The following GRIK3 variants were observed in gnomAD, a reference collection of about 807,000 sequenced individuals.
GRIK3 encodes glutamate receptor ionotropic, kainate 3.
GRIK3 carries 29 observed loss-of-function variants against 102.5 expected under a neutral mutation model. The observed-to-expected ratio is 0.28, with a 90% confidence interval of 0.21 to 0.39. GRIK3 has a LOEUF of 0.39. Ranked by LOEUF, GRIK3 falls within the 10% of genes least tolerant of loss-of-function variation. The pLI is 1.00. For synonymous variants in GRIK3, 511 were observed against 504.9 expected, an observed-to-expected ratio of 1.01 and a Z score of -0.16; for missense variants, 908 against 1,252.4, an observed-to-expected ratio of 0.73 and a Z score of 4.15.
intron 1 of GRIK3, among the ~76,000 whole-genome samples, chr1:36,926,650 A>G (rs1485998930): frequency 6.6e-6 from 1 of 151,930 alleles, no homozygotes; most frequent in African/African-American, 2.4e-5. Context: ...TGGCCTCCCA[A>G]AGTGCTGGGA....
chr1:36,803,918 T>C lies in GRIK3; in HGVS notation c.2565+1069A>G, dbSNP rs1409096509. ...ATTTCCTTGTAAATAAAACCATGTCTATCTTTGACCACTTACACAGTGTAC... is the reference window on the plus strand; with the variant it reads ...ATTTCCTTGTAAATAAAACCATGTCCATCTTTGACCACTTACACAGTGTAC... On this transcript the variant is annotated intron_variant, in intron 15 of 15. Transcript: ENST00000373091. Among the ~76,000 whole-genome samples the C allele has an allele frequency of 6.6e-5, 10 of 152,266 alleles. No individual in the cohort carries two copies. In the South Asian group the frequency reaches 2.1e-3, roughly 31 times the overall value.
Position 36,799,437 on chromosome 1 carries a change from C to T in GRIK3, c.*2414G>A, listed in dbSNP as rs1178928370. On this transcript the variant is annotated 3_prime_UTR_variant, in exon 16 of 16. Coordinates refer to ENST00000373091, the MANE Select transcript of GRIK3 (RefSeq NM_000831.4). The stretch of plus-strand genomic sequence containing the variant: ...GCATGCATTGACCCATGTCACACGA[C>T]TCTCTGGTCCTGGCCTTCCCCCCGC... 2 of 152,530 alleles carry T rather than the reference C, an allele frequency of 1.3e-5. No homozygotes were observed. The highest frequency in any genetic ancestry group is 3.8e-4 in the East Asian group (2 of 5,208). The allele number at this position is 152,530 out of a possible 1,614,324, so 9.4% of individuals were successfully genotyped here. A position where few individuals can be genotyped will look rare whatever the true frequency, so the allele number is the denominator to read the frequency against.
At chr1:36,939,255 C>T (rs947953916) in intron 1 of GRIK3, among the ~76,000 whole-genome samples, 2 of 152,228 alleles carry the variant, frequency 1.3e-5, no homozygotes. Context: ...AGGGGAGTAG[C>T]AACATCAGAA....
chr1:36,931,303 G>A (rs1421213407), intron 1 of GRIK3, among the ~76,000 whole-genome samples: 3 of 152,056 alleles, frequency 2.0e-5, no homozygotes, highest in African/African-American at 7.2e-5. Flanking sequence ...GCTCCCTCTC[G>A]GCCCAGCCTC....
At chr1:37,003,046 A>T (rs1642495009) in intron 1 of GRIK3, among the ~76,000 whole-genome samples, 1 of 138,224 alleles carries the variant, frequency 7.2e-6, no homozygotes, top group Non-Finnish European at 1.5e-5. Context: ...TTTGTCCCAG[A>T]GGTACTAGGG....
chr1:36,993,971 G>T (rs1055567905), intron 1 of GRIK3, among the ~76,000 whole-genome samples: 1 of 152,122 alleles, frequency 6.6e-6, no homozygotes, highest in African/African-American at 2.4e-5. Flanking sequence ...CCCAGGGGAG[G>T]ATCACAAGCA....
At position 36,797,340 on chromosome 1, in the gene GRIK3, C is replaced by T. The variant is rs528051176; in HGVS notation, c.*4511G>A. 8 of 151,164 alleles carry T rather than the reference C, an allele frequency of 5.3e-5. No individual in the cohort carries two copies. Among genetic ancestry groups the T allele is most frequent in the Non-Finnish European group, 1.2e-4 (8 of 67,874 alleles). 9.4% of individuals were successfully genotyped at this position (151,164 alleles called of 1,614,324 possible). ...ATTTTACATTCATATATATATTGTA[C>T]AGAACATTAACCTTCTACCTAAAAG... On this transcript the variant is annotated 3_prime_UTR_variant, in exon 16 of 16. Transcript: ENST00000373091.
At chr1:36,812,492 A>C (rs1642573688) in intron 13 of GRIK3, among the ~76,000 whole-genome samples, 1 of 152,116 alleles carries the variant, frequency 6.6e-6, no homozygotes, top group African/African-American at 2.4e-5. Context: ...TTTTGCCTAC[A>C]TATTTTTATA....
chr1:36,885,084 AATG>A (rs1411972348), intron 2 of GRIK3, among the ~76,000 whole-genome samples: 1 of 152,270 alleles, frequency 6.6e-6, no homozygotes, highest in Non-Finnish European at 1.5e-5. Flanking sequence ...TGAGGCTGCC[AATG>A]ATGATAATGG....
intron 1 of GRIK3, among the ~76,000 whole-genome samples, chr1:36,932,954 C>A (rs376479898): frequency 6.6e-6 from 1 of 152,204 alleles, no homozygotes; most frequent in South Asian, 2.1e-4. Context: ...TCACTGCTAA[C>A]GCTAATAACC....
intron 1 of GRIK3, among the ~76,000 whole-genome samples, chr1:37,004,651 C>G (rs1008662489): frequency 6.6e-6 from 1 of 152,226 alleles, no homozygotes. Context: ...GCCTGGCATG[C>G]TATGGTCATA....
At chr1:36,858,670 C>T (rs1640681535) in intron 7 of GRIK3, among the ~76,000 whole-genome samples, 1 of 152,182 alleles carries the variant, frequency 6.6e-6, no homozygotes, top group Non-Finnish European at 1.5e-5. Context: ...ATTGACCCTC[C>T]TCCTGCACTA....
intron 1 of GRIK3, among the ~76,000 whole-genome samples, chr1:36,968,178 C>A (rs1211545004): frequency 1.3e-5 from 2 of 152,058 alleles, no homozygotes; most frequent in African/African-American, 4.8e-5. Flanking sequence ...CACTTCCTCA[C>A]AGTTTCACCT....
At chr1:36,919,834 C>A (rs892298764) in intron 1 of GRIK3, among the ~76,000 whole-genome samples, 3 of 152,216 alleles carry the variant, frequency 2.0e-5, no homozygotes, top group Non-Finnish European at 2.9e-5. Context: ...CTGGGCCCTA[C>A]CCGTGGCGGG....
At chr1:36,973,576 C>G (rs182589533) in intron 1 of GRIK3, among the ~76,000 whole-genome samples, 3 of 145,892 alleles carry the variant, frequency 2.1e-5, no homozygotes, top group African/African-American at 5.4e-5. Flanking sequence ...TGCGCCACCA[C>G]GCCCGGCTAA....
intron 11 of GRIK3, among the ~76,000 whole-genome samples, chr1:36,820,503 T>A (rs1642683876): frequency 6.6e-6 from 1 of 152,168 alleles, no homozygotes; most frequent in African/African-American, 2.4e-5. Context: ...TCTGAAAGGG[T>A]CTCTAGATAA....
At chr1:36,937,601 G>A (rs1166547919) in intron 1 of GRIK3, among the ~76,000 whole-genome samples, 4 of 152,142 alleles carry the variant, frequency 2.6e-5, no homozygotes, top group Non-Finnish European at 4.4e-5. Flanking sequence ...TTACGGGCAG[G>A]GAGCAGCGGT....
At position 36,943,474 on chromosome 1, in the gene GRIK3, ACCG is replaced by A. The variant is rs1469006542; in HGVS notation, c.116-52381_116-52379del. On this transcript the variant is annotated intron_variant, in intron 1 of 15. Coordinates refer to ENST00000373091, the MANE Select transcript of GRIK3 (RefSeq NM_000831.4). The stretch of plus-strand genomic sequence containing the variant: ...ACCTCTACACAATGGAAATTACAAT[ACCG>A]ACCAGCAAGGTTATTTTCAGGAGCT... Among the ~76,000 whole-genome samples, 3 of 152,300 alleles carry A rather than the reference ACCG, an allele frequency of 2.0e-5. No homozygotes were observed. In the East Asian group the frequency reaches 5.8e-4, roughly 29 times the overall value.
At chr1:36,909,743 C>G (rs1165084107) in intron 1 of GRIK3, among the ~76,000 whole-genome samples, 4 of 152,152 alleles carry the variant, frequency 2.6e-5, no homozygotes, top group Admixed American at 2.6e-4. Context: ...TCAAATCTAA[C>G]CCCTAACTGA....
Sources: gnomAD v4.1 joint callset for allele counts (sites outside exome capture counted in the v4.1 genomes callset) on GRCh38, gnomAD v4.1.1 for gene constraint, MANE v1.5 for transcripts, NCBI Gene and HGNC (gene_info 2026-07-23, HGNC 2026-07-21) for gene names.